FBXW10B: variants seen among roughly 807,000 people sequenced by gnomAD.
FBXW10B encodes the protein F-box and WD repeat domain containing 10B.
chr17:15,597,837 A>C, the FBXW10B span, among the ~76,000 whole-genome samples: 1,456 of 152,344 alleles, frequency 9.6e-3, 29 homozygotes, highest in African/African-American at 0.033. Flanking sequence ...AAGGTGTGTG[A>C]CATGCTCATC....
chr17:15,589,705 T>C, the FBXW10B span, among the ~76,000 whole-genome samples: 1 of 152,050 alleles, frequency 6.6e-6, no homozygotes, highest in Non-Finnish European at 1.5e-5. Context: ...AGTCAAGTAA[T>C]TAGTGTTTTT....
At chr17:15,598,481 C>G in the FBXW10B span, 1 of 1,613,026 alleles carries the variant, frequency 6.2e-7, no homozygotes, top group South Asian at 1.1e-5. Flanking sequence ...ATTTTGGTAA[C>G]CTGTGGGTCG....
chr17:15,614,728 G>C, the FBXW10B span, among the ~76,000 whole-genome samples: 25 of 152,298 alleles, frequency 1.6e-4, no homozygotes, highest in African/African-American at 6.0e-4. Context: ...TTATCATACT[G>C]TTCTACATAC....
the FBXW10B span, among the ~76,000 whole-genome samples, chr17:15,603,234 G>A: frequency 1.3e-5 from 2 of 151,662 alleles, no homozygotes; most frequent in African/African-American, 4.9e-5. Flanking sequence ...TATGAACAAA[G>A]TTAATAGATA....
the FBXW10B span, among the ~76,000 whole-genome samples, chr17:15,611,023 CTTTTTTTTT>C: frequency 7.8e-6 from 1 of 128,534 alleles, no homozygotes; most frequent in Non-Finnish European, 1.6e-5. Context: ...AATGTGTTTT[CTTTTTTTTT>C]TTTTTTTTTG....
chr17:15,589,367 G>C, the FBXW10B span: 2 of 932,796 alleles, frequency 2.1e-6, no homozygotes, highest in Non-Finnish European at 3.3e-6. Context: ...GATAAAGAAA[G>C]TACCTGAAGC....
the FBXW10B span, chr17:15,594,703 G>C: frequency 1.2e-6 from 2 of 1,605,478 alleles, no homozygotes; most frequent in Non-Finnish European, 1.7e-6. Flanking sequence ...TGACGGGGAA[G>C]GGAAGGACAC....
At chr17:15,592,758 A>G in the FBXW10B span, among the ~76,000 whole-genome samples, 5 of 151,964 alleles carry the variant, frequency 3.3e-5, no homozygotes, top group African/African-American at 1.2e-4. Context: ...TGGTCCTTAC[A>G]GAAGCGTTAT....
the FBXW10B span, chr17:15,594,505 A>G: frequency 1.8e-6 from 1 of 545,144 alleles, no homozygotes. Flanking sequence ...TCTTCTCAAA[A>G]CCCCCAGTTT....
At chr17:15,591,373 T>C in the FBXW10B span, among the ~76,000 whole-genome samples, 1 of 152,166 alleles carries the variant, frequency 6.6e-6, no homozygotes, top group Non-Finnish European at 1.5e-5. Context: ...CACTGCAACC[T>C]CCGCCTCCTG....
the FBXW10B span, among the ~76,000 whole-genome samples, chr17:15,580,877 C>G: frequency 6.6e-5 from 10 of 152,168 alleles, no homozygotes; most frequent in South Asian, 1.7e-3. Flanking sequence ...GCTCATTTAA[C>G]AAGCACTTTT....
chr17:15,612,083 G>A, the FBXW10B span, among the ~76,000 whole-genome samples: 2 of 152,272 alleles, frequency 1.3e-5, no homozygotes, highest in East Asian at 3.9e-4. Flanking sequence ...CCTGGCCTCT[G>A]AACTTGCCAC....
the FBXW10B span, among the ~76,000 whole-genome samples, chr17:15,603,121 T>A: frequency 6.6e-6 from 1 of 150,568 alleles, no homozygotes; most frequent in Non-Finnish European, 1.5e-5. Flanking sequence ...CGACCTCAGA[T>A]GATCCGCCTG....
At chr17:15,615,836 T>C in the FBXW10B span, 4 of 1,613,784 alleles carry the variant, frequency 2.5e-6, no homozygotes, top group South Asian at 3.3e-5. Context: ...CAAGACAAGG[T>C]TGCTCTTGAA....
the FBXW10B span, chr17:15,571,895 C>A: frequency 6.6e-6 from 1 of 151,026 alleles, no homozygotes; most frequent in South Asian, 2.1e-4. Flanking sequence ...TCGTATGATT[C>A]CATTTATATG....
At chr17:15,595,749 G>A in the FBXW10B span, among the ~76,000 whole-genome samples, 193 of 152,154 alleles carry the variant, frequency 1.3e-3, 1 homozygote, top group Admixed American at 2.9e-3. Flanking sequence ...TAGGGGTTCC[G>A]ATCCAGCAAG....
chr17:15,615,857 T>C, the FBXW10B span: 2 of 1,613,040 alleles, frequency 1.2e-6, no homozygotes, highest in African/African-American at 1.3e-5. Flanking sequence ...GTGGGTGTGT[T>C]GAGGAAAATG....
the FBXW10B span, among the ~76,000 whole-genome samples, chr17:15,592,295 G>GTT: frequency 5.5e-4 from 59 of 107,678 alleles, no homozygotes; most frequent in African/African-American, 1.9e-3. Flanking sequence ...AATGGCCAGA[G>GTT]TTTTTTTTTT....
chr17:15,594,335 G>T, the FBXW10B span, among the ~76,000 whole-genome samples: 1 of 151,910 alleles, frequency 6.6e-6, no homozygotes, highest in African/African-American at 2.4e-5. Context: ...AGCTGGGTGT[G>T]GTGGTGGGCG....
Sources: allele counts gnomAD v4.1 joint callset (sites outside exome capture counted in the v4.1 genomes callset), GRCh38; gene constraint gnomAD v4.1.1; transcripts MANE v1.5; gene names NCBI Gene and HGNC (gene_info 2026-07-23, HGNC 2026-07-21).